PI4K2A: variants seen among roughly 807,000 people sequenced by gnomAD.
PI4K2A encodes phosphatidylinositol 4-kinase type 2-alpha.
PI4K2A carries 20 observed loss-of-function variants against 55.0 expected under a neutral mutation model. The observed-to-expected ratio is 0.36, with a 90% CI of 0.26 to 0.53. PI4K2A has a LOEUF of 0.53. PI4K2A is among the 20% of genes least tolerant of loss of function. The pLI, the probability that PI4K2A is intolerant of heterozygous loss-of-function variation, is 0.91. For synonymous variants in PI4K2A, 235 were observed against 258.5 expected (o/e 0.91, Z 0.87); for missense variants, 463 against 637.1 (o/e 0.73, Z 2.94).
Position 97,662,893 on chromosome 10 carries a change from A to G in PI4K2A, c.923-14A>G, listed in dbSNP as rs200026793. 1.6e-5 allele frequency: 26 copies of G among 1,585,216 alleles called. No individual in the cohort carries two copies. In the South Asian group the frequency reaches 2.1e-4, roughly 13 times the overall value. ...TCCCCCCTTTTTCTGCTAACTTTATATTTCTGTTCACAGATCGAGGCAATG... is the reference window on the plus strand; with the variant it reads ...TCCCCCCTTTTTCTGCTAACTTTATGTTTCTGTTCACAGATCGAGGCAATG... On this transcript the variant is annotated splice_polypyrimidine_tract_variant and intron_variant, in intron 4 of 8. Coordinates refer to ENST00000370631, the Ensembl canonical transcript of PI4K2A.
exon 1 of PI4K2A, chr10:97,640,798 C>T (rs766347630): frequency 6.7e-7 from 1 of 1,493,376 alleles, no homozygotes; most frequent in South Asian, 1.3e-5. Flanking sequence ...CCGGACTACA[C>T]CTTCCCGTCG....
intron 1 of PI4K2A, among the ~76,000 whole-genome samples, chr10:97,646,367 C>T (rs182091838): frequency 3.3e-4 from 50 of 152,018 alleles, no homozygotes; most frequent in African/African-American, 1.2e-3. Context: ...GGTGCGCCCA[C>T]CACCATGCCC....
chr10:97,654,302 A>G (rs919886518), intron 2 of PI4K2A, among the ~76,000 whole-genome samples: 2 of 152,174 alleles, frequency 1.3e-5, no homozygotes, highest in African/African-American at 4.8e-5. Flanking sequence ...CTGGCAAGGT[A>G]GCCTTAGGAA....
chr10:97,656,178 T>C lies in PI4K2A; in HGVS notation c.637-107T>C. The C allele has an allele frequency of 1.1e-6, 1 of 907,318 alleles. No homozygotes were observed. The highest frequency in any genetic ancestry group is 1.7e-6 in the Non-Finnish European group (1 of 580,556). 56.2% of individuals were successfully genotyped at this position (907,318 alleles called of 1,614,324 possible). ...TGAGAAATGTATTCTTTCTGTGCCCTGGAAGAGGAATAGGATTTGTGAACA... is the reference window on the plus strand; with the variant it reads ...TGAGAAATGTATTCTTTCTGTGCCCCGGAAGAGGAATAGGATTTGTGAACA... On this transcript the variant is annotated intron_variant, in intron 2 of 8. Transcript: ENST00000370631. The surrounding 1 kb of genome is among the most constrained non-coding windows in gnomAD (Gnocchi z 4.5).
chr10:97,648,935 T>G (rs138519024), intron 1 of PI4K2A, among the ~76,000 whole-genome samples: 2 of 152,338 alleles, frequency 1.3e-5, no homozygotes, highest in Admixed American at 6.5e-5. Flanking sequence ...AAGAATAAAT[T>G]GATTCTTTTT....
At chr10:97,667,248 C>A in intron 8 of PI4K2A, 128 bp downstream of exon 8, 1 of 653,580 alleles carries the variant, frequency 1.5e-6, no homozygotes, top group Non-Finnish European at 2.7e-6. Context: ...CTCACTCTGT[C>A]ACCCAGGCTA....
chr10:97,663,649 C>T (rs1049338831), intron 5 of PI4K2A, among the ~76,000 whole-genome samples: 12 of 151,066 alleles, frequency 7.9e-5, no homozygotes, highest in East Asian at 1.9e-4. Context: ...GGTGAAACCC[C>T]GTCTCTATTA....
At chr10:97,658,294 C>T (rs1006057155) in intron 4 of PI4K2A, among the ~76,000 whole-genome samples, 3 of 152,178 alleles carry the variant, frequency 2.0e-5, no homozygotes, top group East Asian at 1.9e-4. Flanking sequence ...CAGTATTTGT[C>T]TTTTGGTGAT....
chr10:97,651,957 C>T (rs2041531861), intron 2 of PI4K2A, among the ~76,000 whole-genome samples: 2 of 152,112 alleles, frequency 1.3e-5, no homozygotes, highest in African/African-American at 4.8e-5. Context: ...TACGTGGCTA[C>T]CTGGGGTTTA....
intron 8 of PI4K2A, among the ~76,000 whole-genome samples, chr10:97,672,046 TTTC>T (rs201460889): frequency 0.011 from 1,722 of 151,706 alleles, 15 homozygotes; most frequent in Non-Finnish European, 0.016. Context: ...CTATAATTTC[TTTC>T]TTTTTTTTTT....
rs60329004 is a variant in PI4K2A at position 97,649,609 on chromosome 10, A to ATTTTTTTTTTTTTT, written c.436-1314_436-1301dup. Among the ~76,000 whole-genome samples, 12 of 70,552 alleles carry ATTTTTTTTTTTTTT rather than the reference A, an allele frequency of 1.7e-4. 1 individual carries two copies. The highest frequency in any genetic ancestry group is 2.5e-4 in the Non-Finnish European group (8 of 32,350). 46.3% of individuals were successfully genotyped at this position (70,552 alleles called of 152,430 possible). ...TTTCCTTAACCTCATTCCATAATAG[A>ATTTTTTTTTTTTTT]TTTTTTTTTTTTTTTTTTTTTTTTT... On this transcript the variant is annotated intron_variant, in intron 1 of 8. Coordinates refer to ENST00000370631, the Ensembl canonical transcript of PI4K2A.
At chr10:97,657,660 T>G (rs1169425572) in intron 4 of PI4K2A, among the ~76,000 whole-genome samples, 1 of 140,452 alleles carries the variant, frequency 7.1e-6, no homozygotes, top group Non-Finnish European at 1.5e-5. Context: ...AGAGCAAGAC[T>G]CTGTTTCCAA....
chr10:97,655,938 A>G lies in PI4K2A; in HGVS notation c.637-347A>G, dbSNP rs142494800. On this transcript the variant is annotated intron_variant, in intron 2 of 8. Transcript: ENST00000370631. ...GATAGGCAGCTCTCCTAGATACCAC[A>G]TCACTCATGTAGTTACAAGGTATCC... Among the ~76,000 whole-genome samples the G allele has an allele frequency of 2.2e-4, 34 of 152,252 alleles. No homozygotes were observed. The East Asian group carries it at 6.0e-3, about 27-fold the overall frequency.
At chr10:97,654,519 T>C (rs1271595151) in intron 2 of PI4K2A, among the ~76,000 whole-genome samples, 1 of 152,188 alleles carries the variant, frequency 6.6e-6, no homozygotes, top group Non-Finnish European at 1.5e-5. Flanking sequence ...CTTAGGAAAA[T>C]ACCTTTCTTA....
chr10:97,643,952 C>T (rs1204211549), intron 1 of PI4K2A, among the ~76,000 whole-genome samples: 4 of 152,236 alleles, frequency 2.6e-5, no homozygotes, highest in African/African-American at 9.6e-5. Flanking sequence ...TTTCCAAGGT[C>T]TCACACCTAG....
At position 97,661,282 on chromosome 10, in the gene PI4K2A, C is replaced by T. The variant is rs868160435; in HGVS notation, c.923-1625C>T. On this transcript the variant is annotated intron_variant, in intron 4 of 8. Transcript: ENST00000370631. Reference sequence around the variant, plus strand: ...CTGGGATTACAGGAGTGAGCCACCGCGCCCGGCCACTGCTGGATTATTTTA... The same window carrying T: ...CTGGGATTACAGGAGTGAGCCACCGTGCCCGGCCACTGCTGGATTATTTTA... Among the ~76,000 whole-genome samples the T allele has an allele frequency of 1.2e-4, 19 of 152,014 alleles. No homozygotes were observed. The Middle Eastern group carries it at 0.01, about 82-fold the overall frequency.
intron 8 of PI4K2A, 130 bp from the exon 9 acceptor site, chr10:97,673,451 C>T: frequency 1.5e-6 from 1 of 649,256 alleles, no homozygotes; most frequent in Non-Finnish European, 2.6e-6. Flanking sequence ...TGTAAATGGC[C>T]TATTTGCATG....
chr10:97,658,989 G>A (rs890441271), intron 4 of PI4K2A, among the ~76,000 whole-genome samples: 3 of 152,016 alleles, frequency 2.0e-5, no homozygotes, highest in Non-Finnish European at 2.9e-5. Flanking sequence ...TATTAATCCC[G>A]TATCAGATAT....
intron 8 of PI4K2A, among the ~76,000 whole-genome samples, chr10:97,670,070 G>A (rs1192528039): frequency 1.3e-5 from 2 of 151,906 alleles, no homozygotes; most frequent in African/African-American, 2.4e-5. Context: ...CCATTTCTGG[G>A]TAATTTTTTT....
Sources: gnomAD v4.1 joint callset for allele counts (sites outside exome capture counted in the v4.1 genomes callset) on GRCh38, gnomAD v4.1.1 for gene constraint, Gnocchi (gnomAD v3.1) non-coding constraint, MANE v1.5 for transcripts, NCBI Gene and HGNC (gene_info 2026-07-23, HGNC 2026-07-21) for gene names.